Variants in EYA2 observed in about 807,000 individuals in gnomAD.
EYA2 encodes EYA transcriptional coactivator and phosphatase 2.
A neutral mutation model predicts 69.2 loss-of-function variants in EYA2; 31 were observed. The ratio of observed to expected loss-of-function variants is 0.45; its 90% CI spans 0.34 to 0.60. The LOEUF (loss-of-function observed/expected upper bound fraction) is 0.60. EYA2 is among the 20% of genes least tolerant of loss of function. EYA2 has a pLI of 0.02. For missense variants in EYA2, 622 were observed against 701.2 expected (o/e 0.89, Z 1.28); for synonymous variants, 257 against 279.4 (o/e 0.92, Z 0.80).
intron 1 of EYA2, among the ~76,000 whole-genome samples, chr20:46,920,220 A>C (rs1985117961): frequency 1.0e-5 from 1 of 96,654 alleles, no homozygotes; most frequent in Non-Finnish European, 2.3e-5. Flanking sequence ...ATTGCCACAA[A>C]ACTTTAATTT....
At chr20:47,033,616 G>A (rs1430802223) in intron 5 of EYA2, among the ~76,000 whole-genome samples, 1 of 152,090 alleles carries the variant, frequency 6.6e-6, no homozygotes, top group Non-Finnish European at 1.5e-5. Context: ...TGCCCTTCTT[G>A]CAGGCAAGGT....
chr20:47,053,604 C>T (rs563999197), intron 5 of EYA2, among the ~76,000 whole-genome samples: 3 of 147,622 alleles, frequency 2.0e-5, no homozygotes, highest in African/African-American at 7.6e-5. Context: ...GAAGTCAAGA[C>T]TGCAGTGAGC....
At chr20:47,086,689 C>G (rs758485320) in intron 7 of EYA2, among the ~76,000 whole-genome samples, 2 of 152,130 alleles carry the variant, frequency 1.3e-5, no homozygotes, top group Non-Finnish European at 2.9e-5. Context: ...GCCTCTAACA[C>G]TAAGGATTAC....
At position 46,930,949 on chromosome 20, in the gene EYA2, T is replaced by C. The variant is rs555312651; in HGVS notation, c.-11+35962T>C. Among the ~76,000 whole-genome samples the C allele has an allele frequency of 2.6e-5, 4 of 152,292 alleles. No homozygotes were observed. The East Asian group carries it at 7.7e-4, about 29-fold the overall frequency. On this transcript the variant is annotated intron_variant, in intron 1 of 15. Coordinates refer to ENST00000327619, the MANE Select transcript of EYA2 (RefSeq NM_005244.5). ...TCTCTCAGCTTCAGCCCTGCTGATA[T>C]TTGGGAACAGATCATTATCTGTTGT...
intron 5 of EYA2, among the ~76,000 whole-genome samples, chr20:47,064,739 G>T (rs1005985547): frequency 1.3e-5 from 2 of 152,176 alleles, no homozygotes; most frequent in African/African-American, 4.8e-5. Context: ...TGGGTCATGG[G>T]ACCTTTCCCA....
intron 3 of EYA2, among the ~76,000 whole-genome samples, chr20:47,002,296 C>A (rs1258452928): frequency 6.6e-6 from 1 of 152,136 alleles, no homozygotes; most frequent in African/African-American, 2.4e-5. Flanking sequence ...CACCTGTCAA[C>A]CCATCACCTA....
chr20:46,896,569 T>C (rs910031170), intron 1 of EYA2, among the ~76,000 whole-genome samples: 20 of 152,248 alleles, frequency 1.3e-4, no homozygotes, highest in African/African-American at 4.1e-4. Flanking sequence ...TACATATCTT[T>C]GCATTTAGAC....
chr20:46,985,827 A>G (rs1981145916), intron 1 of EYA2, among the ~76,000 whole-genome samples: 1 of 152,236 alleles, frequency 6.6e-6, no homozygotes, highest in African/African-American at 2.4e-5. Context: ...TCATTTTTAA[A>G]TATTGGCAAC....
At chr20:47,014,133 T>A (rs1171651342) in intron 4 of EYA2, among the ~76,000 whole-genome samples, 1 of 152,190 alleles carries the variant, frequency 6.6e-6, no homozygotes, top group Non-Finnish European at 1.5e-5. Context: ...TTCCTCTTAC[T>A]TTAATTTCCT....
At chr20:46,962,223 T>TCACC in intron 1 of EYA2, among the ~76,000 whole-genome samples, 1 of 152,128 alleles carries the variant, frequency 6.6e-6, no homozygotes, top group Non-Finnish European at 1.5e-5. Flanking sequence ...GATGGGGTCT[T>TCACC]GCTATGTTGC....
At chr20:47,058,480 G>T (rs1166495931) in intron 5 of EYA2, among the ~76,000 whole-genome samples, 1 of 152,220 alleles carries the variant, frequency 6.6e-6, no homozygotes, top group Non-Finnish European at 1.5e-5. Context: ...TGGCAGCCTT[G>T]CTGGTGATGG....
intron 9 of EYA2, among the ~76,000 whole-genome samples, chr20:47,097,594 G>A (rs777566183): frequency 8.5e-5 from 13 of 152,158 alleles, no homozygotes; most frequent in Non-Finnish European, 1.3e-4. Context: ...TTGAGACAAG[G>A]GGGAGGCATT....
chr20:47,112,833 G>C (rs1010362165), intron 9 of EYA2, among the ~76,000 whole-genome samples: 1 of 142,934 alleles, frequency 7.0e-6, no homozygotes, highest in Non-Finnish European at 1.5e-5. Context: ...GCAGGGAATG[G>C]CTCCAAAAGT....
At chr20:47,088,614 G>A (rs903560293) in intron 7 of EYA2, among the ~76,000 whole-genome samples, 1 of 152,038 alleles carries the variant, frequency 6.6e-6, no homozygotes, top group Admixed American at 6.6e-5. Flanking sequence ...TAGAGAAGAG[G>A]CCTCGCTCTG....
At chr20:47,062,954 T>C (rs2030951745) in intron 5 of EYA2, among the ~76,000 whole-genome samples, 1 of 152,124 alleles carries the variant, frequency 6.6e-6, no homozygotes. Context: ...GGTTCTGATC[T>C]TTCTGGGCCT....
chr20:47,068,281 A>C (rs1277998738), intron 5 of EYA2, among the ~76,000 whole-genome samples: 3 of 152,246 alleles, frequency 2.0e-5, no homozygotes, highest in Admixed American at 2.0e-4. Context: ...GCATGAATTA[A>C]TGAACTAATT....
intron 9 of EYA2, among the ~76,000 whole-genome samples, chr20:47,119,808 T>C (rs1487630932): frequency 6.6e-6 from 1 of 152,234 alleles, no homozygotes; most frequent in Non-Finnish European, 1.5e-5. Context: ...TTTTCACACC[T>C]GTAATCCCAG....
At chr20:47,091,465 A>T (rs1205693675) in intron 8 of EYA2, among the ~76,000 whole-genome samples, 1 of 152,000 alleles carries the variant, frequency 6.6e-6, no homozygotes, top group Non-Finnish European at 1.5e-5. Flanking sequence ...CGGGCCCAGC[A>T]CAGTGGCTCA....
intron 1 of EYA2, among the ~76,000 whole-genome samples, chr20:46,920,043 G>T (rs1985110373): frequency 6.6e-6 from 1 of 152,112 alleles, no homozygotes. Context: ...TCTTATATGG[G>T]CACAGTTTGT....
Sources: allele counts gnomAD v4.1 joint callset (sites outside exome capture counted in the v4.1 genomes callset), GRCh38; gene constraint gnomAD v4.1.1; transcripts MANE v1.5; gene names NCBI Gene and HGNC (gene_info 2026-07-23, HGNC 2026-07-21).